The following KLHL29 variants were observed in gnomAD, a reference collection of about 807,000 sequenced individuals.
The protein encoded by KLHL29 is kelch like family member 29, also known as kelch-like protein 29.
KLHL29 carries 21 observed loss-of-function variants against 80.4 expected under a neutral mutation model. The observed-to-expected ratio is 0.26, with a 90% CI of 0.19 to 0.38. The LOEUF (loss-of-function observed/expected upper bound fraction) is 0.38. KLHL29 is among the 10% of genes least tolerant of loss of function. The pLI is 1.00. For synonymous variants in KLHL29, 511 were observed against 526.8 expected, an observed-to-expected ratio of 0.97 and a Z score of 0.41; for missense variants, 867 against 1,223.9, an observed-to-expected ratio of 0.71 and a Z score of 4.35.
In KLHL29 at chr2:23,649,803, G is replaced by A. The variant is rs754337107; in HGVS notation, c.940+6953G>A. Among the ~76,000 whole-genome samples, 5 of 152,226 alleles carry A rather than the reference G, an allele frequency of 3.3e-5. No individual in the cohort carries two copies. The South Asian group carries it at 6.2e-4, about 19-fold the overall frequency. Reference sequence around the variant, plus strand: ...GGGCTTCAGGTGATGGTGCTGACCCGTGGCAGGAAGCCAGCTGCCCTGATC... The same window carrying A: ...GGGCTTCAGGTGATGGTGCTGACCCATGGCAGGAAGCCAGCTGCCCTGATC... On this transcript the variant is annotated intron_variant, in intron 5 of 13. Transcript: ENST00000486442.
intron 3 of KLHL29, among the ~76,000 whole-genome samples, chr2:23,634,224 G>A (rs147426310): frequency 3.2e-4 from 49 of 152,350 alleles, no homozygotes; most frequent in African/African-American, 7.5e-4. Flanking sequence ...ACAGAGCATC[G>A]TGGCCTGCAG....
At chr2:23,452,174 GA>G (rs35242576) in intron 1 of KLHL29, among the ~76,000 whole-genome samples, 3 of 146,766 alleles carry the variant, frequency 2.0e-5, no homozygotes, top group Admixed American at 6.8e-5. Context: ...ACCGTGCCCA[GA>G]AAAAAAAATT....
intron 2 of KLHL29, among the ~76,000 whole-genome samples, chr2:23,556,844 A>G (rs1667310855): frequency 6.6e-6 from 1 of 152,110 alleles, no homozygotes; most frequent in African/African-American, 2.4e-5. Flanking sequence ...AGCGTGGCCT[A>G]TTTCCACCCG....
chr2:23,614,000 G>C (rs1668939173), intron 3 of KLHL29, among the ~76,000 whole-genome samples: 1 of 152,050 alleles, frequency 6.6e-6, no homozygotes, highest in Admixed American at 6.6e-5. Flanking sequence ...CCCTCACAAG[G>C]AATTTCCTTG....
At chr2:23,554,986 G>C (rs1487619556) in intron 2 of KLHL29, among the ~76,000 whole-genome samples, 1 of 152,166 alleles carries the variant, frequency 6.6e-6, no homozygotes, top group African/African-American at 2.4e-5. Context: ...GCCCCAGGTA[G>C]CCCAAGCCTT....
At chr2:23,548,786 T>A (rs1667049805) in intron 2 of KLHL29, among the ~76,000 whole-genome samples, 2 of 152,244 alleles carry the variant, frequency 1.3e-5, no homozygotes, top group Non-Finnish European at 2.9e-5. Context: ...CTATCCAGGC[T>A]GATGCAACCA....
intron 3 of KLHL29, among the ~76,000 whole-genome samples, chr2:23,573,874 G>A (rs1027240170): frequency 2.6e-5 from 4 of 152,190 alleles, no homozygotes; most frequent in African/African-American, 7.2e-5. Flanking sequence ...ATAGTGCATG[G>A]CCAGTGTTTG....
At position 23,554,382 on chromosome 2, in the gene KLHL29, G is replaced by A. The variant is rs149076681; in HGVS notation, c.-45-7770G>A. On this transcript the variant is annotated intron_variant, in intron 2 of 13. Coordinates refer to ENST00000486442, the MANE Select transcript of KLHL29 (RefSeq NM_052920.2). ...TTTTCTGATCGGGGCCGGCCGGGCCGAGGCTCATTCCTCAGCCAGCCACCT... is the reference window on the plus strand; with the variant it reads ...TTTTCTGATCGGGGCCGGCCGGGCCAAGGCTCATTCCTCAGCCAGCCACCT... Among the ~76,000 whole-genome samples, 115 of 152,304 alleles carry A rather than the reference G, an allele frequency of 7.6e-4. 1 individual carries two copies. The highest frequency in any genetic ancestry group is 2.7e-3 in the African/African-American group (112 of 41,560).
chr2:23,467,800 G>A (rs1199499287), intron 1 of KLHL29, among the ~76,000 whole-genome samples: 1 of 152,126 alleles, frequency 6.6e-6, no homozygotes, highest in Non-Finnish European at 1.5e-5. Context: ...GAGAGCTGGA[G>A]GGAGCGGAGA....
chr2:23,514,509 C>T (rs563663019), intron 2 of KLHL29, among the ~76,000 whole-genome samples: 6 of 152,312 alleles, frequency 3.9e-5, no homozygotes, highest in Admixed American at 3.3e-4. Flanking sequence ...ACCATCCTGA[C>T]GAGTGCCCTG....
chr2:23,531,497 C>T (rs1225363025), intron 2 of KLHL29, among the ~76,000 whole-genome samples: 1 of 152,242 alleles, frequency 6.6e-6, no homozygotes, highest in African/African-American at 2.4e-5. Flanking sequence ...GAGACCCTGC[C>T]TCCGAGCCGC....
intron 2 of KLHL29, 78 bp downstream of exon 2, chr2:23,475,745 A>C (rs1266367141): frequency 6.0e-6 from 1 of 165,428 alleles, no homozygotes; most frequent in Non-Finnish European, 1.5e-5. Flanking sequence ...TCTCATGCTA[A>C]ATGTGTGGGG....
intron 3 of KLHL29, among the ~76,000 whole-genome samples, chr2:23,599,823 G>A (rs776686195): frequency 1.5e-4 from 23 of 152,168 alleles, no homozygotes; most frequent in Admixed American, 1.3e-3. Context: ...GTGCCCGCCC[G>A]ACGCCACGTC....
intron 2 of KLHL29, among the ~76,000 whole-genome samples, chr2:23,502,633 C>A (rs1326441893): frequency 6.6e-6 from 1 of 152,248 alleles, no homozygotes; most frequent in Non-Finnish European, 1.5e-5. Flanking sequence ...GTGTTTGGCC[C>A]TTCCAGCACC....
intron 5 of KLHL29, among the ~76,000 whole-genome samples, chr2:23,666,828 G>A (rs1435165338): frequency 6.6e-6 from 1 of 152,236 alleles, no homozygotes; most frequent in Non-Finnish European, 1.5e-5. Context: ...CCGACCCTCT[G>A]TGGTCACAGC....
chr2:23,546,659 G>A (rs1328599075), intron 2 of KLHL29, among the ~76,000 whole-genome samples: 1 of 152,144 alleles, frequency 6.6e-6, no homozygotes, highest in East Asian at 1.9e-4. Flanking sequence ...CCTCTCCCGG[G>A]GAGGAGCTCC....
rs1668397505 is a variant in KLHL29 at position 23,596,539 on chromosome 2, T to C, written c.285+34058T>C. On this transcript the variant is annotated intron_variant, in intron 3 of 13. Coordinates refer to ENST00000486442, the MANE Select transcript of KLHL29 (RefSeq NM_052920.2). This position sits in a 1 kb window ranked among gnomAD's most constrained non-coding sequence, Gnocchi z 4.4. ...CCTTGCACACAACGTGGCTTAAGTC[T>C]AAACAGAAAATAGACCTCACGCTGA... 6.6e-6 allele frequency among the ~76,000 whole-genome samples: 1 copy of C among 152,304 alleles called. No homozygotes were observed. The highest frequency in any genetic ancestry group is 2.4e-5 in the African/African-American group (1 of 41,566).
chr2:23,627,041 C>T (rs1669331462), intron 3 of KLHL29, among the ~76,000 whole-genome samples: 2 of 152,180 alleles, frequency 1.3e-5, no homozygotes, highest in Admixed American at 1.3e-4. Context: ...CCCATCCCCG[C>T]CCCGCTCCTC....
rs28565071 is a variant in KLHL29 at position 23,614,916 on chromosome 2, T to C, written c.286-24223T>C. Among the ~76,000 whole-genome samples, 684 of 152,244 alleles carry C rather than the reference T, an allele frequency of 4.5e-3. 6 individuals carry two copies. Among genetic ancestry groups the C allele is most frequent in the African/African-American group, 0.016 (654 of 41,544 alleles). On this transcript the variant is annotated intron_variant, in intron 3 of 13. Transcript: ENST00000486442. ...AGAGGGGCGCCCTGGGCCCTGGGCATTGATGATGGGAATGGAGTGTGCTGC... is the reference window on the plus strand; with the variant it reads ...AGAGGGGCGCCCTGGGCCCTGGGCACTGATGATGGGAATGGAGTGTGCTGC...
Sources: gnomAD v4.1 joint callset for allele counts (sites outside exome capture counted in the v4.1 genomes callset) on GRCh38, gnomAD v4.1.1 for gene constraint, Gnocchi (gnomAD v3.1) non-coding constraint, MANE v1.5 for transcripts, NCBI Gene and HGNC (gene_info 2026-07-23, HGNC 2026-07-21) for gene names.